The following PLAG1 variants were observed in gnomAD, a reference collection of about 807,000 sequenced individuals.
PLAG1 encodes zinc finger protein PLAG1.
A neutral mutation model predicts 35.5 loss-of-function variants in PLAG1; 7 were observed. The ratio of observed to expected loss-of-function variants is 0.20; its 90% CI spans 0.11 to 0.37. The LOEUF (loss-of-function observed/expected upper bound fraction) is 0.37, where lower values mean the gene tolerates loss of function less well. Among genes scored for constraint, PLAG1 ranks in the 10% least tolerant of loss-of-function variants. The pLI, the probability that PLAG1 is intolerant of heterozygous loss-of-function variation, is 1.00. For missense variants in PLAG1, 454 were observed against 602.8 expected, an observed-to-expected ratio of 0.75 and a Z score of 2.58; for synonymous variants, 229 against 225.4, an observed-to-expected ratio of 1.02 and a Z score of -0.14.
At chr8:56,191,552 T>C (rs1377485430) in intron 1 of PLAG1, among the ~76,000 whole-genome samples, 2 of 152,200 alleles carry the variant, frequency 1.3e-5, no homozygotes, top group East Asian at 3.8e-4. Context: ...GTTCTAATAC[T>C]TTAGATTCTC....
At chr8:56,192,780 C>T (rs573630654) in intron 1 of PLAG1, among the ~76,000 whole-genome samples, 117 of 152,214 alleles carry the variant, frequency 7.7e-4, no homozygotes, top group East Asian at 3.5e-3. Flanking sequence ...GAGACTATAA[C>T]GTGTTTGGAG....
At chr8:56,187,680 C>T (rs1812059749) in intron 1 of PLAG1, among the ~76,000 whole-genome samples, 1 of 152,068 alleles carries the variant, frequency 6.6e-6, no homozygotes, top group South Asian at 2.1e-4. Context: ...GGCACAGGCT[C>T]TTATACGGAA....
chr8:56,198,060 G>A (rs1812436260), intron 1 of PLAG1, among the ~76,000 whole-genome samples: 1 of 152,180 alleles, frequency 6.6e-6, no homozygotes, highest in Admixed American at 6.5e-5. Context: ...TGGAATGGAT[G>A]GCCCGCATCA....
rs1811322984 is a variant in PLAG1, at chr8:56,165,343, C to T, written c.*900G>A. On this transcript the variant is annotated 3_prime_UTR_variant, in exon 5 of 5. Coordinates refer to ENST00000316981, the MANE Select transcript of PLAG1 (RefSeq NM_002655.3). ...CAATGGCTCTAGATTATGGACTAAC[C>T]GTGGGCCAACAATGAAAATAAATTG... The T allele has an allele frequency of 2.3e-5, 5 of 217,002 alleles. No homozygotes were observed. The highest frequency in any genetic ancestry group is 3.7e-5 in the Non-Finnish European group (4 of 107,892). The allele number at this position is 217,002 out of a possible 1,614,324, so 13.4% of individuals were successfully genotyped here. A position where few individuals can be genotyped will look rare whatever the true frequency, so the allele number is the denominator to read the frequency against.
rs79989152 is a variant in PLAG1, at chr8:56,201,785, T to C, written c.-322+9336A>G. On this transcript the variant is annotated intron_variant, in intron 1 of 4. Coordinates refer to ENST00000316981, the MANE Select transcript of PLAG1 (RefSeq NM_002655.3). ...GCTGTGAAAACTAAATGAGATAATA[T>C]AGGTAAAAGCAAAGACTGATAGGTA... Among the ~76,000 whole-genome samples the C allele has an allele frequency of 2.9e-3, 448 of 152,280 alleles. 1 individual carries two copies. Among genetic ancestry groups the C allele is most frequent in the African/African-American group, 9.4e-3 (392 of 41,564 alleles).
Position 56,166,956 on chromosome 8 carries a change from C to G in PLAG1, c.790G>C (p.Asp264His), listed in dbSNP as rs779291127. ...FTCNVSVPIK[D>H]ELLPVMSLPS... ...AAGGACATCACCGGAAGGAGCTCGT[C>G]TTTTATAGGCACAGACACATTGCAG... The change falls in exon 5 of 5, where the codon GAC becomes CAC. Residue 264 changes from aspartate to histidine, a missense_variant. Transcript: ENST00000316981. 1.9e-5 allele frequency: 31 copies of G among 1,613,928 alleles called. No homozygotes were observed. Among genetic ancestry groups the G allele is most frequent in the Non-Finnish European group, 2.5e-5 (30 of 1,180,002 alleles).
chr8:56,194,372 C>T (rs574151278), intron 1 of PLAG1, among the ~76,000 whole-genome samples: 36 of 147,544 alleles, frequency 2.4e-4, no homozygotes, highest in African/African-American at 7.2e-4. Context: ...TATCAAGTAA[C>T]TATTCAGCAT....
At chr8:56,175,745 G>A (rs1480651998) in intron 2 of PLAG1, among the ~76,000 whole-genome samples, 1 of 152,052 alleles carries the variant, frequency 6.6e-6, no homozygotes, top group East Asian at 1.9e-4. Context: ...GAAGTGAGGG[G>A]AAAAATGGCA....
chr8:56,181,377 C>T (rs1179596594), intron 1 of PLAG1, among the ~76,000 whole-genome samples: 4 of 152,186 alleles, frequency 2.6e-5, no homozygotes, highest in Non-Finnish European at 5.9e-5. Context: ...CCATGGAATA[C>T]TATGCCGCCA....
At chr8:56,194,707 C>T (rs1001215044) in intron 1 of PLAG1, among the ~76,000 whole-genome samples, 2 of 151,968 alleles carry the variant, frequency 1.3e-5, no homozygotes, top group African/African-American at 4.8e-5. Context: ...AAACCTTTGC[C>T]AAAGTTGCTT....
chr8:56,186,880 C>T (rs1414075075), intron 1 of PLAG1, among the ~76,000 whole-genome samples: 1 of 152,006 alleles, frequency 6.6e-6, no homozygotes, highest in African/African-American at 2.4e-5. Flanking sequence ...CCACGCCTGG[C>T]TAATTTTGTA....
At chr8:56,196,834 C>A (rs1305082779) in intron 1 of PLAG1, among the ~76,000 whole-genome samples, 1 of 151,930 alleles carries the variant, frequency 6.6e-6, no homozygotes, top group African/African-American at 2.4e-5. Flanking sequence ...TCTCCCCTCA[C>A]CCCATCCAGA....
At chr8:56,205,320 A>T (rs946624513) in intron 1 of PLAG1, among the ~76,000 whole-genome samples, 1 of 151,932 alleles carries the variant, frequency 6.6e-6, no homozygotes, top group Non-Finnish European at 1.5e-5. Flanking sequence ...TTTTATAAAA[A>T]TAGCAAAAAG....
At chr8:56,209,799 C>A (rs969851322) in intron 1 of PLAG1, among the ~76,000 whole-genome samples, 2 of 152,106 alleles carry the variant, frequency 1.3e-5, no homozygotes, top group African/African-American at 4.8e-5. Flanking sequence ...CTCTGCAGAG[C>A]CCAGTTTAAA....
Position 56,160,984 on chromosome 8 carries a change from T to C in PLAG1, c.*5259A>G, listed in dbSNP as rs1295833197. The C allele has an allele frequency of 5.6e-6, 1 of 179,960 alleles. No individual in the cohort carries two copies. The highest frequency in any genetic ancestry group is 9.2e-5 in the East Asian group (1 of 10,860). The allele number at this position is 179,960 out of a possible 1,614,324, so 11.1% of individuals were successfully genotyped here. ...TATTCTTACAGCAAACATAACACTG[T>C]AGGCCACAAGAAGCTGCAGTACTAT... On this transcript the variant is annotated 3_prime_UTR_variant, in exon 5 of 5. Transcript: ENST00000316981.
At chr8:56,195,418 C>A (rs1320785795) in intron 1 of PLAG1, among the ~76,000 whole-genome samples, 1 of 152,172 alleles carries the variant, frequency 6.6e-6, no homozygotes, top group East Asian at 1.9e-4. Flanking sequence ...ACTATTATTC[C>A]AGATAAGGGA....
intron 1 of PLAG1, among the ~76,000 whole-genome samples, chr8:56,197,190 C>A (rs919828857): frequency 3.9e-5 from 6 of 152,086 alleles, no homozygotes; most frequent in Non-Finnish European, 8.8e-5. Context: ...CCCATCTGAG[C>A]ATGTGTGCCT....
chr8:56,193,799 G>A (rs1351563259), intron 1 of PLAG1, among the ~76,000 whole-genome samples: 1 of 148,928 alleles, frequency 6.7e-6, no homozygotes, highest in South Asian at 2.1e-4. Flanking sequence ...CCGGGTTCAC[G>A]CCATTCTCCT....
At chr8:56,170,084 A>T (rs1811476420) in intron 3 of PLAG1, among the ~76,000 whole-genome samples, 1 of 152,236 alleles carries the variant, frequency 6.6e-6, no homozygotes. Context: ...ATTTTAATGT[A>T]AAGGCTGTTT....
Sources: allele counts gnomAD v4.1 joint callset (sites outside exome capture counted in the v4.1 genomes callset), GRCh38; gene constraint gnomAD v4.1.1; transcripts MANE v1.5; gene names NCBI Gene and HGNC (gene_info 2026-07-23, HGNC 2026-07-21).